TOX: variants seen among roughly 807,000 people sequenced by gnomAD.
TOX encodes thymocyte selection-associated high mobility group box protein TOX.
In TOX, 11 loss-of-function variants were observed where a neutral mutation model predicts 53.7. The observed-to-expected ratio is 0.20, with a 90% CI of 0.13 to 0.34. TOX has a LOEUF of 0.34. Ranked by LOEUF, TOX falls within the 10% of genes least tolerant of loss-of-function variation. The pLI is 1.00. For missense variants in TOX, 570 were observed against 664.6 expected (o/e 0.86, Z 1.56); for synonymous variants, 225 against 245.3 (o/e 0.92, Z 0.77).
chr8:58,857,170 C>T (rs1473534087), intron 3 of TOX, among the ~76,000 whole-genome samples: 1 of 152,108 alleles, frequency 6.6e-6, no homozygotes, highest in Admixed American at 6.6e-5. Flanking sequence ...ATTGATGATG[C>T]CAGCTTCACA....
intron 3 of TOX, among the ~76,000 whole-genome samples, chr8:58,857,612 A>G (rs552360303): frequency 2.0e-4 from 30 of 152,266 alleles, no homozygotes; most frequent in African/African-American, 6.5e-4. Flanking sequence ...GTCCCTCATG[A>G]CCTGCCTTGA....
At chr8:59,059,121 A>G (rs1348670716) in intron 1 of TOX, among the ~76,000 whole-genome samples, 1 of 152,256 alleles carries the variant, frequency 6.6e-6, no homozygotes, top group Admixed American at 6.5e-5. Context: ...GAGAAGATAG[A>G]GGTATTTTAA....
chr8:59,099,692 A>G (rs1804771860), intron 1 of TOX, among the ~76,000 whole-genome samples: 1 of 152,226 alleles, frequency 6.6e-6, no homozygotes. Flanking sequence ...AGGTGATTAT[A>G]TTTTAACTAT....
intron 2 of TOX, among the ~76,000 whole-genome samples, chr8:58,942,543 T>C (rs1812459987): frequency 3.9e-5 from 6 of 152,184 alleles, no homozygotes; most frequent in Admixed American, 2.0e-4. Flanking sequence ...TATAAAAGTA[T>C]AGTGGTAATT....
At chr8:58,865,833 T>A (rs1811088844) in intron 3 of TOX, among the ~76,000 whole-genome samples, 1 of 100,564 alleles carries the variant, frequency 9.9e-6, no homozygotes, top group Admixed American at 9.6e-5. Context: ...GTGGCTTTTT[T>A]TTTTTTTTTT....
At chr8:58,914,116 G>A (rs1000266105) in intron 3 of TOX, among the ~76,000 whole-genome samples, 5 of 152,230 alleles carry the variant, frequency 3.3e-5, no homozygotes, top group Non-Finnish European at 5.9e-5. Context: ...TCTAAGCACT[G>A]TGCTGTCAAT....
At chr8:58,905,120 A>G (rs1231843810) in intron 3 of TOX, among the ~76,000 whole-genome samples, 1 of 152,062 alleles carries the variant, frequency 6.6e-6, no homozygotes, top group Non-Finnish European at 1.5e-5. Context: ...TTTAGTAGAG[A>G]CGGGGTTTTA....
chr8:59,076,247 A>G (rs1035346495), intron 1 of TOX, among the ~76,000 whole-genome samples: 1 of 152,214 alleles, frequency 6.6e-6, no homozygotes, highest in African/African-American at 2.4e-5. Context: ...GCTGCAAGAC[A>G]CTGATTAGAA....
chr8:58,996,553 ATAACTT>A (rs1295124202), intron 1 of TOX, among the ~76,000 whole-genome samples: 2 of 152,214 alleles, frequency 1.3e-5, no homozygotes, highest in African/African-American at 4.8e-5. Context: ...CCCCTTTCCT[ATAACTT>A]TATCTTTTTC....
At chr8:59,064,084 G>T (rs529868) in intron 1 of TOX, among the ~76,000 whole-genome samples, 15,666 of 152,086 alleles carry the variant, frequency 0.1, 1,673 homozygotes, top group East Asian at 0.5. Context: ...TTGGGGTGGG[G>T]GGAGGTGACA....
chr8:58,842,527 C>G lies in TOX; in HGVS notation c.694-4216G>C, dbSNP rs1810662535. On this transcript the variant is annotated intron_variant, in intron 4 of 8. Transcript: ENST00000361421. ...TACAGCGGCACAAAATGGACTAAGA[C>G]AATTTCCCTCCTCTATTGTCCAAAA... Among the ~76,000 whole-genome samples the G allele has an allele frequency of 3.3e-5, 5 of 152,138 alleles. No individual in the cohort carries two copies. The South Asian group carries it at 1.0e-3, about 32-fold the overall frequency.
rs1236593556 is a variant in TOX, at chr8:58,805,650, T to C, written c.*2097A>G. On this transcript the variant is annotated 3_prime_UTR_variant, in exon 9 of 9. Coordinates refer to ENST00000361421, the MANE Select transcript of TOX (RefSeq NM_014729.3). ...TTAGACTTAATGCAAGTGAAATTTT[T>C]ACTTTATCATAATATAATAAATAAA... 6.6e-6 allele frequency: 1 copy of C among 152,668 alleles called. No individual in the cohort carries two copies. The highest frequency in any genetic ancestry group is 1.9e-4 in the East Asian group (1 of 5,202). The allele number at this position is 152,668 out of a possible 1,614,324, so 9.5% of individuals were successfully genotyped here.
At chr8:59,028,904 C>T (rs1814296398) in intron 1 of TOX, among the ~76,000 whole-genome samples, 2 of 151,970 alleles carry the variant, frequency 1.3e-5, no homozygotes, top group African/African-American at 2.4e-5. Context: ...TTTATCATTG[C>T]TATAGTTTTT....
chr8:59,018,917 T>C (rs1475482394), intron 1 of TOX, among the ~76,000 whole-genome samples: 2 of 152,204 alleles, frequency 1.3e-5, no homozygotes, highest in African/African-American at 4.8e-5. Flanking sequence ...GCCTAGCTCA[T>C]GGTTGATTCT....
chr8:58,828,714 AT>A (rs922988803), intron 5 of TOX, among the ~76,000 whole-genome samples: 3 of 150,790 alleles, frequency 2.0e-5, no homozygotes, highest in Non-Finnish European at 4.4e-5. Flanking sequence ...TCATTGATTT[AT>A]TTTTTTTTGA....
At position 58,851,493 on chromosome 8, in the gene TOX, C is replaced by A; in HGVS notation, c.693+31G>T. The A allele has an allele frequency of 6.2e-7, 1 of 1,608,920 alleles. No individual in the cohort carries two copies. The highest frequency in any genetic ancestry group is 1.1e-5 in the South Asian group (1 of 90,534). On this transcript the variant is annotated intron_variant, in intron 4 of 8. Transcript: ENST00000361421. This position sits in a 1 kb window ranked among gnomAD's most constrained non-coding sequence, Gnocchi z 4.4. ...CAAAGAAGGTGCCTAAGAATAGTCT[C>A]CCATAGGTCCTAAAAATAACTTATT...
chr8:58,861,480 A>C (rs1811008605), intron 3 of TOX, among the ~76,000 whole-genome samples: 1 of 152,162 alleles, frequency 6.6e-6, no homozygotes, highest in South Asian at 2.1e-4. Context: ...AGGGGCTATG[A>C]TTTTATATTA....
At chr8:58,815,990 T>C (rs1810169583) in intron 6 of TOX, among the ~76,000 whole-genome samples, 1 of 152,216 alleles carries the variant, frequency 6.6e-6, no homozygotes. Flanking sequence ...CTTTTCTCAT[T>C]ATCCAAATGA....
Position 58,807,609 on chromosome 8 carries a change from C to A in TOX, c.*138G>T. ...GACTATTTCTTCCAGAGTGGGTGAC[C>A]CACAAGCTCAAATGGTCCTAAGTGC... On this transcript the variant is annotated 3_prime_UTR_variant, in exon 9 of 9. Transcript: ENST00000361421. 3 of 820,144 alleles carry A rather than the reference C, an allele frequency of 3.7e-6. No individual in the cohort carries two copies. Among genetic ancestry groups the A allele is most frequent in the South Asian group, 4.1e-5 (2 of 49,016 alleles). The allele number at this position is 820,144 out of a possible 1,614,324, so 50.8% of individuals were successfully genotyped here. A position where few individuals can be genotyped will look rare whatever the true frequency, so the allele number is the denominator to read the frequency against.
Sources: allele counts gnomAD v4.1 joint callset (sites outside exome capture counted in the v4.1 genomes callset), GRCh38; gene constraint gnomAD v4.1.1; non-coding constraint Gnocchi (gnomAD v3.1); transcripts MANE v1.5; gene names NCBI Gene and HGNC (gene_info 2026-07-23, HGNC 2026-07-21).